Variants in ZNF776 observed in about 807,000 individuals in gnomAD.
ZNF776 encodes zinc finger protein 776.
Under a neutral mutation model 7.0 loss-of-function variants are expected in ZNF776, and 4 were observed. The observed-to-expected ratio is 0.57, with a 90% confidence interval of 0.28 to 1.31. The LOEUF (loss-of-function observed/expected upper bound fraction) is 1.31. ZNF776 is among the 50% of genes most tolerant of loss of function. The pLI is 0.10. For missense variants in ZNF776, 555 were observed against 625.9 expected, an observed-to-expected ratio of 0.89 and a Z score of 1.21; for synonymous variants, 212 against 213.7, an observed-to-expected ratio of 0.99 and a Z score of 0.07.
At chr19:57,747,223 G>C in intron 1 of ZNF776, 132 bp downstream of exon 1, 1 of 965,518 alleles carries the variant, frequency 1.0e-6, no homozygotes, top group Middle Eastern at 2.2e-4. Context: ...CTCTCTATGG[G>C]CCCCCGTTTT....
At chr19:57,750,755 T>G (rs1359420213) in intron 1 of ZNF776, 30 bp from the exon 2 acceptor site, 2 of 1,601,484 alleles carry the variant, frequency 1.2e-6, no homozygotes, top group African/African-American at 2.7e-5. Flanking sequence ...TATGGAGTGT[T>G]TGTGGTTTCA....
rs1986449142 is a variant in ZNF776, at chr19:57,746,951, T to A, written c.-108T>A. 1 of 1,209,954 alleles carries A rather than the reference T, an allele frequency of 8.3e-7. No homozygotes were observed. Among genetic ancestry groups the A allele is most frequent in the African/African-American group, 1.5e-5 (1 of 65,386 alleles). 75.0% of individuals were successfully genotyped at this position (1,209,954 alleles called of 1,614,324 possible). ...GCACAGAGGCTGCTCTGCAGCTCCT[T>A]AAAGGCGCTAGGCGTGACCCGCACC... is the stretch of plus-strand genomic sequence containing the variant. On this transcript the variant is annotated 5_prime_UTR_variant, in exon 1 of 3. Transcript: ENST00000317178.
At chr19:57,747,187 G>A in intron 1 of ZNF776, 96 bp downstream of exon 1, 1 of 1,383,960 alleles carries the variant, frequency 7.2e-7, no homozygotes, top group Non-Finnish European at 9.8e-7. Context: ...TTTACACCCT[G>A]AACCCGGCGT....
Position 57,753,629 on chromosome 19 carries a change from C to T in ZNF776, c.499C>T (p.His167Tyr), listed in dbSNP as rs769399644. The T allele has an allele frequency of 2.0e-5, 33 of 1,613,996 alleles. No homozygotes were observed. The highest frequency in any genetic ancestry group is 2.6e-5 in the Non-Finnish European group (31 of 1,180,036). Residue 167 changes from histidine (H) to tyrosine (Y), a missense_variant, in exon 3 of 3, where the codon CAT becomes TAT. His to Tyr is a moderately conservative substitution (Grantham distance 83). Coordinates refer to ENST00000317178, the MANE Select transcript of ZNF776 (RefSeq NM_173632.4). Reference sequence around the variant, plus strand: ...TATGTCACATGAGCCATTTATCTTTCATGAGGTTGGGAAAGACTTTTTGTC... The same window carrying T: ...TATGTCACATGAGCCATTTATCTTTTATGAGGTTGGGAAAGACTTTTTGTC... ...FHMSHEPFIF[H>Y]EVGKDFLSSL...
intron 2 of ZNF776, 37 bp downstream of exon 2, chr19:57,750,948 T>TTGTC (rs757102087): frequency 1.3e-6 from 2 of 1,577,836 alleles, no homozygotes; most frequent in South Asian, 2.3e-5. Flanking sequence ...ACCTCAGCTA[T>TTGTC]TGTCTGTCTG....
Position 57,754,796 on chromosome 19 carries a change from G to C in ZNF776, c.*109G>C. ...AATGTGCAAAATCATCTAGCCAAAA[G>C]GTTGGCCTCATTCAACAATAGCAAG... On this transcript the variant is annotated 3_prime_UTR_variant, in exon 3 of 3. Coordinates refer to ENST00000317178, the MANE Select transcript of ZNF776 (RefSeq NM_173632.4). 1 of 1,179,868 alleles carries C rather than the reference G, an allele frequency of 8.5e-7. No individual in the cohort carries two copies. Among genetic ancestry groups the C allele is most frequent in the Non-Finnish European group, 1.2e-6 (1 of 841,168 alleles). The allele number at this position is 1,179,868 out of a possible 1,614,324, so 73.1% of individuals were successfully genotyped here. A position where few individuals can be genotyped will look rare whatever the true frequency, so the allele number is the denominator to read the frequency against.
Position 57,746,857 on chromosome 19 carries a change from G to C in ZNF776, c.-202G>C. ...GTGTTGGGTGTATTTTCCAGTGAGA[G>C]ACCGCGGAGTGTTGGGTCGTGTAGA... On this transcript the variant is annotated 5_prime_UTR_variant, in exon 1 of 3. Transcript: ENST00000317178. 6.4e-6 allele frequency: 3 copies of C among 465,310 alleles called. No homozygotes were observed. Among genetic ancestry groups the C allele is most frequent in the South Asian group, 9.1e-5 (2 of 21,912 alleles). The allele number at this position is 465,310 out of a possible 1,614,324, so 28.8% of individuals were successfully genotyped here.
chr19:57,754,678 T>A lies in ZNF776; in HGVS notation c.1548T>A (p.His516Gln). 3 of 1,607,312 alleles carry A rather than the reference T, an allele frequency of 1.9e-6. No homozygotes were observed. The highest frequency in any genetic ancestry group is 2.6e-6 in the Non-Finnish European group (3 of 1,174,768). ...GAGTTCACACGGGAGAAAGACATCA[T>A]GAATGTTGAAAATTTGGCAGATCTG... ...HQRVHTGERH[H>Q]EC The change falls in exon 3 of 3, where the codon CAT (histidine) becomes CAA (glutamine). Residue 516 changes from histidine (H) to glutamine (Q), a missense_variant. His to Gln is a conservative substitution (Grantham distance 24, BLOSUM62 0). Transcript: ENST00000317178.
At position 57,753,876 on chromosome 19, in the gene ZNF776, A is replaced by G; in HGVS notation, c.746A>G (p.Asn249Ser). The G allele has an allele frequency of 6.2e-7, 1 of 1,614,240 alleles. No homozygotes were observed. The highest frequency in any genetic ancestry group is 8.5e-7 in the Non-Finnish European group (1 of 1,180,040). Reference sequence around the variant, plus strand: ...TCTGGGAAATTCACTAGCAAAAGTAATAGTTTTAATAATCATCAGGGAGTT... The same window carrying G: ...TCTGGGAAATTCACTAGCAAAAGTAGTAGTTTTAATAATCATCAGGGAGTT... ...SDSGKFTSKS[N>S]SFNNHQGVRT... Residue 249 changes from asparagine to serine, a missense_variant, in exon 3 of 3, where the codon AAT (asparagine) becomes AGT (serine). Transcript: ENST00000317178.
At position 57,753,781 on chromosome 19, in the gene ZNF776, T is replaced by A. The variant is rs376321706; in HGVS notation, c.651T>A (p.Phe217Leu). 1 of 1,614,238 alleles carries A rather than the reference T, an allele frequency of 6.2e-7. No individual in the cohort carries two copies. The highest frequency in any genetic ancestry group is 8.5e-7 in the Non-Finnish European group (1 of 1,180,046). Residue 217 changes from phenylalanine (F) to leucine (L), a missense_variant, in exon 3 of 3, where the codon TTT becomes TTA. By Grantham distance (22) the Phe-to-Leu change is conservative. Coordinates refer to ENST00000317178, the MANE Select transcript of ZNF776 (RefSeq NM_173632.4). The part of the protein sequence containing the change: ...HYICGESTIP[F>L]SNKHSLVLHQ... ...TCTGTGGAGAGTCCACAATACCGTT[T>A]AGCAACAAACACTCACTTGTCCTTC... is the stretch of plus-strand genomic sequence containing the variant.
intron 1 of ZNF776, among the ~76,000 whole-genome samples, chr19:57,749,917 G>A (rs899511946): frequency 7.9e-5 from 12 of 152,142 alleles, no homozygotes; most frequent in African/African-American, 2.2e-4. Context: ...GACTTTGAGT[G>A]TATTTGATTT....
chr19:57,747,081 C>A lies in ZNF776; in HGVS notation c.23C>A (p.Pro8His). 1 of 1,591,634 alleles carries A rather than the reference C, an allele frequency of 6.3e-7. No individual in the cohort carries two copies. The highest frequency in any genetic ancestry group is 2.3e-5 in the East Asian group (1 of 43,364). The change falls in exon 1 of 3, where the codon CCC (proline) becomes CAC (histidine). Residue 8 changes from proline (P) to histidine (H), a missense_variant. Transcript: ENST00000317178. ...CGGATGGCGGCGGCCGCGCTGAGGC[C>A]CCCGGCTCAGGTAATTGTGGCGTCT... MAAAALR[P>H]PAQGTVTFED...
At position 57,747,029 on chromosome 19, in the gene ZNF776, C is replaced by G; in HGVS notation, c.-30C>G. Reference sequence around the variant, plus strand: ...GGGTACCTGCACTGCTCGCCCCCTCCTTTCGACCCCGCTTTCCCCACCCAG... The same window carrying G: ...GGGTACCTGCACTGCTCGCCCCCTCGTTTCGACCCCGCTTTCCCCACCCAG... On this transcript the variant is annotated 5_prime_UTR_variant, in exon 1 of 3. Transcript: ENST00000317178. 1 of 1,566,776 alleles carries G rather than the reference C, an allele frequency of 6.4e-7. No homozygotes were observed.
rs781007104 is a variant in ZNF776 at position 57,755,664 on chromosome 19, A to G, written c.*977A>G. 1 of 152,218 alleles carries G rather than the reference A, an allele frequency of 6.6e-6. No individual in the cohort carries two copies. The highest frequency in any genetic ancestry group is 1.5e-5 in the Non-Finnish European group (1 of 68,040). 9.4% of individuals were successfully genotyped at this position (152,218 alleles called of 1,614,324 possible). On this transcript the variant is annotated 3_prime_UTR_variant, in exon 3 of 3. Transcript: ENST00000317178. Reference sequence around the variant, plus strand: ...ACACCATCAACCTATATTGAATGTCATATGTCCAGTAGCTGCATAAATTCC... The same window carrying G: ...ACACCATCAACCTATATTGAATGTCGTATGTCCAGTAGCTGCATAAATTCC...
Position 57,755,223 on chromosome 19 carries a change from C to T in ZNF776, c.*536C>T, listed in dbSNP as rs1215624903. ...GTAGAAAATCCTTTGTGGGAAAACT[C>T]TGGTTTCATTAAACACAGGAGAGTT... On this transcript the variant is annotated 3_prime_UTR_variant, in exon 3 of 3. Coordinates refer to ENST00000317178, the MANE Select transcript of ZNF776 (RefSeq NM_173632.4). 6.3e-6 allele frequency: 1 copy of T among 158,516 alleles called. No individual in the cohort carries two copies. The highest frequency in any genetic ancestry group is 1.4e-5 in the Non-Finnish European group (1 of 71,668). The allele number at this position is 158,516 out of a possible 1,614,324, so 9.8% of individuals were successfully genotyped here. A position where few individuals can be genotyped will look rare whatever the true frequency, so the allele number is the denominator to read the frequency against.
intron 1 of ZNF776, 104 bp downstream of exon 1, chr19:57,747,195 C>A: frequency 1.5e-6 from 2 of 1,294,792 alleles, no homozygotes; most frequent in Non-Finnish European, 1.1e-6. Context: ...CTGAACCCGG[C>A]GTCGGGACAC....
In ZNF776 at chr19:57,746,956, G is replaced by A; in HGVS notation, c.-103G>A. 6 of 1,242,902 alleles carry A rather than the reference G, an allele frequency of 4.8e-6. No homozygotes were observed. The South Asian group carries it at 8.8e-5, about 18-fold the overall frequency. The allele number at this position is 1,242,902 out of a possible 1,614,324, so 77.0% of individuals were successfully genotyped here. On this transcript the variant is annotated 5_prime_UTR_variant, in exon 1 of 3. Coordinates refer to ENST00000317178, the MANE Select transcript of ZNF776 (RefSeq NM_173632.4). ...GAGGCTGCTCTGCAGCTCCTTAAAG[G>A]CGCTAGGCGTGACCCGCACCAAGGC...
At position 57,757,926 on chromosome 19, in the gene ZNF776, CTATT is replaced by C. The variant is rs1257808321; in HGVS notation, c.*3246_*3249del. The C allele has an allele frequency of 6.6e-6, 1 of 152,090 alleles. No homozygotes were observed. The highest frequency in any genetic ancestry group is 2.4e-5 in the African/African-American group (1 of 41,418). 9.4% of individuals were successfully genotyped at this position (152,090 alleles called of 1,614,324 possible). ...TCATACCTGAGTACTCTCCTGAGCC[CTATT>C]TATTTAGATGTTCTTCTTTTTTCTT... On this transcript the variant is annotated 3_prime_UTR_variant, in exon 3 of 3. Coordinates refer to ENST00000317178, the MANE Select transcript of ZNF776 (RefSeq NM_173632.4).
intron 1 of ZNF776, among the ~76,000 whole-genome samples, chr19:57,750,425 C>A (rs1210314671): frequency 7.7e-6 from 1 of 129,056 alleles, no homozygotes; most frequent in Admixed American, 8.3e-5. Flanking sequence ...GGAGTGAAAC[C>A]CTATCTCAAA....
Sources: gnomAD v4.1 joint callset for allele counts (sites outside exome capture counted in the v4.1 genomes callset) on GRCh38, gnomAD v4.1.1 for gene constraint, MANE v1.5 for transcripts, NCBI Gene and HGNC (gene_info 2026-07-23, HGNC 2026-07-21) for gene names.